The following MCC variants were observed in gnomAD, a reference collection of about 807,000 sequenced individuals.
The protein encoded by MCC is colorectal mutant cancer protein.
MCC carries 90 observed loss-of-function variants against 116.2 expected under a neutral mutation model. The ratio of observed to expected loss-of-function variants is 0.77; its 90% confidence interval spans 0.65 to 0.92. MCC has a LOEUF of 0.92. Among genes scored for constraint, MCC ranks in the 40% least tolerant of loss-of-function variants. The pLI, the probability that MCC is intolerant of heterozygous loss-of-function variation, is 0.00. For synonymous variants in MCC, 578 were observed against 510.5 expected, an observed-to-expected ratio of 1.13 and a Z score of -1.78; for missense variants, 1,516 against 1,312.2, an observed-to-expected ratio of 1.16 and a Z score of -2.40.
At chr5:113,060,966 C>T (rs373488940) in intron 14 of MCC, among the ~76,000 whole-genome samples, 1 of 152,382 alleles carries the variant, frequency 6.6e-6, no homozygotes, top group South Asian at 2.1e-4. Context: ...CCTGTTCTAA[C>T]TAGGTGGCTG....
At chr5:113,326,061 G>T (rs541877254) in intron 3 of MCC, among the ~76,000 whole-genome samples, 105 of 152,226 alleles carry the variant, frequency 6.9e-4, no homozygotes, top group African/African-American at 2.4e-3. Context: ...TAGATGTTTT[G>T]TCTAGATTAA....
chr5:113,438,134 C>T (rs995616377), intron 1 of MCC, among the ~76,000 whole-genome samples: 3 of 152,192 alleles, frequency 2.0e-5, no homozygotes, highest in African/African-American at 7.2e-5. Flanking sequence ...GCTCTGACAA[C>T]TCATTTTGTG....
chr5:113,049,028 GGTCACTGGGCA>G (rs60906034), intron 16 of MCC, 54 bp downstream of exon 16: 363,874 of 1,495,902 alleles, frequency 0.24, 45,695 homozygotes, highest in African/African-American at 0.4. Context: ...TGTGGCCAGT[GGTCACTGGGCA>G]GTCACTGGGC....
chr5:113,075,007 G>T (rs79568072), intron 11 of MCC, among the ~76,000 whole-genome samples: 1 of 152,212 alleles, frequency 6.6e-6, no homozygotes, highest in African/African-American at 2.4e-5. Context: ...CCCCTCTCTG[G>T]GGTGGCTGAG....
chr5:113,277,664 A>T (rs1384394290), intron 3 of MCC, among the ~76,000 whole-genome samples: 1 of 152,242 alleles, frequency 6.6e-6, no homozygotes, highest in Non-Finnish European at 1.5e-5. Context: ...TATATACATA[A>T]AATGCTAGAA....
intron 3 of MCC, among the ~76,000 whole-genome samples, chr5:113,162,190 G>T (rs1374237534): frequency 6.6e-6 from 1 of 152,172 alleles, no homozygotes; most frequent in African/African-American, 2.4e-5. Flanking sequence ...TCCCAACTCG[G>T]ATCACTTTGT....
chr5:113,071,006 A>G (rs981441510), intron 12 of MCC, 88 bp downstream of exon 12: 2 of 1,479,160 alleles, frequency 1.4e-6, no homozygotes, highest in African/African-American at 2.8e-5. Context: ...TATGCCTTCT[A>G]AAAGCCTATT....
At chr5:113,149,556 T>C (rs1256870075) in intron 4 of MCC, among the ~76,000 whole-genome samples, 2 of 152,108 alleles carry the variant, frequency 1.3e-5, no homozygotes, top group South Asian at 2.1e-4. Context: ...AAGTGGATGA[T>C]CTTAAATACA....
intron 3 of MCC, among the ~76,000 whole-genome samples, chr5:113,225,876 A>G (rs1035317848): frequency 6.6e-6 from 1 of 152,242 alleles, no homozygotes; most frequent in African/African-American, 2.4e-5. Flanking sequence ...TAGAGGTAAC[A>G]CAAGAAACGT....
At chr5:113,361,973 A>C (rs1171575690) in intron 2 of MCC, among the ~76,000 whole-genome samples, 1 of 152,126 alleles carries the variant, frequency 6.6e-6, no homozygotes, top group Non-Finnish European at 1.5e-5. Flanking sequence ...CCACACCAGC[A>C]GTCTTCCTGG....
At chr5:113,430,813 T>C (rs1464522312) in intron 1 of MCC, among the ~76,000 whole-genome samples, 3 of 152,076 alleles carry the variant, frequency 2.0e-5, no homozygotes, top group Admixed American at 2.0e-4. Context: ...CAGATGGAAC[T>C]GATCATGAGG....
intron 3 of MCC, chr5:113,234,340 A>G (rs1257957352): frequency 6.6e-6 from 1 of 152,142 alleles, no homozygotes; most frequent in Non-Finnish European, 1.5e-5. Context: ...CTTATATAAA[A>G]ATATATAAAT....
chr5:113,398,185 C>T (rs1769583119), intron 1 of MCC, among the ~76,000 whole-genome samples: 1 of 152,142 alleles, frequency 6.6e-6, no homozygotes, highest in Non-Finnish European at 1.5e-5. Flanking sequence ...CAAAAAATAA[C>T]ATTTGTCAGT....
chr5:113,245,830 A>G (rs976769369), intron 3 of MCC, among the ~76,000 whole-genome samples: 11 of 152,362 alleles, frequency 7.2e-5, no homozygotes, highest in African/African-American at 2.4e-4. Flanking sequence ...ATTCAATCAC[A>G]GCAACTGCCA....
At chr5:113,109,857 G>A (rs768425836) in intron 6 of MCC, among the ~76,000 whole-genome samples, 3 of 152,236 alleles carry the variant, frequency 2.0e-5, no homozygotes, top group Non-Finnish European at 4.4e-5. Context: ...CTAAGGACAA[G>A]GGGGAGTAAT....
At chr5:113,275,965 GTTTTGTTTTT>G (rs1251829454) in intron 3 of MCC, among the ~76,000 whole-genome samples, 5 of 121,032 alleles carry the variant, frequency 4.1e-5, no homozygotes, top group African/African-American at 1.7e-4. Context: ...GATTTCACTT[GTTTTGTTTTT>G]TTTTTTTTTT....
At chr5:113,414,461 G>A (rs1462126764) in intron 1 of MCC, among the ~76,000 whole-genome samples, 2 of 152,178 alleles carry the variant, frequency 1.3e-5, no homozygotes, top group East Asian at 1.9e-4. Context: ...CCTGTATTGA[G>A]TGCATATATA....
At chr5:113,384,674 A>G (rs1769205636) in intron 2 of MCC, among the ~76,000 whole-genome samples, 1 of 152,240 alleles carries the variant, frequency 6.6e-6, no homozygotes, top group Non-Finnish European at 1.5e-5. Context: ...CTGCTGATGC[A>G]GTTACTACCT....
chr5:113,411,397 C>G (rs551497005), intron 1 of MCC, among the ~76,000 whole-genome samples: 1 of 152,268 alleles, frequency 6.6e-6, no homozygotes, highest in Admixed American at 6.5e-5. Flanking sequence ...TGGCTGCATA[C>G]ATGTCTTCTT....
Sources: allele counts gnomAD v4.1 joint callset (sites outside exome capture counted in the v4.1 genomes callset), GRCh38; gene constraint gnomAD v4.1.1; transcripts MANE v1.5; gene names NCBI Gene and HGNC (gene_info 2026-07-23, HGNC 2026-07-21).